Variants in HEPH observed in about 807,000 individuals in gnomAD.
HEPH encodes hephaestin.
In HEPH, 69 loss-of-function variants were observed where a neutral mutation model predicts 80.8. That is an observed-to-expected ratio of 0.85 (90% confidence interval 0.70 to 1.04). The LOEUF (loss-of-function observed/expected upper bound fraction) is 1.04, where lower values mean the gene tolerates loss of function less well. HEPH is among the 50% of genes least tolerant of loss of function. The pLI is 0.00. For missense variants in HEPH, 1,115 were observed against 891.3 expected, an observed-to-expected ratio of 1.25 and a Z score of -3.20; for synonymous variants, 431 against 322.8, an observed-to-expected ratio of 1.34 and a Z score of -3.60.
intron 15 of HEPH, among the ~76,000 whole-genome samples, chrX:66,253,441 A>T (rs765800275): frequency 8.9e-6 from 1 of 112,348 alleles, no homozygotes; most frequent in African/African-American, 3.2e-5. Flanking sequence ...AACTAAAATA[A>T]AAGATTTTTA....
intron 2 of HEPH, chrX:66,171,070 G>A (rs1421285942): frequency 6.5e-6 from 2 of 309,958 alleles, no homozygotes; most frequent in Admixed American, 4.0e-5. Context: ...TTTGTAAGAT[G>A]TATGGGTGGG....
At chrX:66,197,640 A>C (rs1280128035) in intron 9 of HEPH, 43 bp from the exon 10 acceptor site, 6 of 1,080,183 alleles carry the variant, frequency 5.6e-6, no homozygotes, top group Non-Finnish European at 6.4e-6. Context: ...GATGATTCTC[A>C]TTCTAGTCAA....
At chrX:66,195,391 C>T (rs2088030830) in intron 9 of HEPH, among the ~76,000 whole-genome samples, 162 bp downstream of exon 9, 1 of 110,749 alleles carries the variant, frequency 9.0e-6, no homozygotes, top group South Asian at 3.9e-4. Flanking sequence ...CAGAGCTGGG[C>T]TTCAATAATA....
At chrX:66,204,445 G>A (rs1007446422) in intron 13 of HEPH, among the ~76,000 whole-genome samples, 2 of 112,134 alleles carry the variant, frequency 1.8e-5, no homozygotes, top group African/African-American at 6.5e-5. Context: ...GAAGGTTGAA[G>A]TCTTCCTGCT....
chrX:66,227,716 G>T (rs752136000), intron 15 of HEPH, among the ~76,000 whole-genome samples: 85 of 111,309 alleles, frequency 7.6e-4, no homozygotes, highest in Non-Finnish European at 1.1e-3. Flanking sequence ...TAAACATTTG[G>T]CTTTATTTCT....
rs2091122246 is a variant in HEPH at position 66,254,896 on chromosome X, AAAAAT to A, written c.2564-133_2564-129del. The A allele has an allele frequency of 7.9e-6, 3 of 381,780 alleles. No homozygotes were observed. The East Asian group carries it at 1.2e-4, about 16-fold the overall frequency. The allele number at this position is 381,780 out of a possible 1,213,427, so 31.5% of individuals were successfully genotyped here. On this transcript the variant is annotated intron_variant, in intron 15 of 20. Coordinates refer to ENST00000343002, the MANE Select transcript of HEPH (RefSeq NM_001367233.3). ...CCAGGAGGGAGAAGAGCAAGGTCAC[AAAAAT>A]AAAATGATGGAGGAATGATGAAGAA... is the stretch of plus-strand genomic sequence containing the variant.
intron 12 of HEPH, among the ~76,000 whole-genome samples, chrX:66,202,149 A>G (rs996473945): frequency 1.8e-5 from 2 of 111,719 alleles, no homozygotes; most frequent in Non-Finnish European, 3.8e-5. Context: ...TTGGATAATG[A>G]GTGGACTCTC....
intron 15 of HEPH, among the ~76,000 whole-genome samples, chrX:66,226,542 C>T (rs1226933132): frequency 9.0e-6 from 1 of 111,368 alleles, no homozygotes; most frequent in Non-Finnish European, 1.9e-5. Flanking sequence ...ATTGATAGAC[C>T]GTTAGGGAGA....
rs1030506418 is a variant in HEPH at position 66,229,842 on chromosome X, A to G, written c.2563+21596A>G. On this transcript the variant is annotated intron_variant, in intron 15 of 20. Coordinates refer to ENST00000343002, the MANE Select transcript of HEPH (RefSeq NM_001367233.3). ...CACATTGTGCAGGTTAGTTACATAT[A>G]TATACATGTGCCATGCTGGTGCGCT... is the stretch of plus-strand genomic sequence containing the variant. 1.6e-4 allele frequency among the ~76,000 whole-genome samples: 17 copies of G among 109,198 alleles called. No homozygotes were observed. The Admixed American group carries it at 1.7e-3, about 11-fold the overall frequency. The allele number at this position is 109,198 out of a possible 115,157, so 94.8% of individuals were successfully genotyped here.
Position 66,205,424 on chromosome X carries a change from T to G in HEPH, c.2292-1771T>G, listed in dbSNP as rs370179210. Reference sequence around the variant, plus strand: ...ATCCATGTTGCTGAAAAGGACATAATTTCATTCTTTTTCAAGTCTGCATAG... The same window carrying G: ...ATCCATGTTGCTGAAAAGGACATAAGTTCATTCTTTTTCAAGTCTGCATAG... On this transcript the variant is annotated intron_variant, in intron 13 of 20. Transcript: ENST00000343002. Among the ~76,000 whole-genome samples, 119 of 111,830 alleles carry G rather than the reference T, an allele frequency of 1.1e-3. No individual in the cohort carries two copies. The South Asian group carries it at 0.011, about 10-fold the overall frequency.
rs763716088 is a variant in HEPH at position 66,255,059 on chromosome X, A to G, written c.2588A>G (p.Asn863Ser). 8.3e-7 allele frequency: 1 copy of G among 1,203,956 alleles called. No individual in the cohort carries two copies. Among genetic ancestry groups the G allele is most frequent in the Non-Finnish European group, 1.1e-6 (1 of 890,562 alleles). Residue 863 changes from asparagine (N) to serine (S), a missense_variant, in exon 16 of 21, where the codon AAC becomes AGC. Physicochemically the swap from Asn to Ser is conservative, Grantham distance 46. Around this residue, in one of 3 missense-constraint regions of HEPH, gnomAD observed 716 missense variants for 523.5 expected, o/e 1.37. Coordinates refer to ENST00000343002, the MANE Select transcript of HEPH (RefSeq NM_001367233.3). Reference sequence around the variant, plus strand: ...GGTGAGGTGGTCACTTATCAGTGGAACATCCCAGAGAGGTCTGGCCCTGGG... The same window carrying G: ...GGTGAGGTGGTCACTTATCAGTGGAGCATCCCAGAGAGGTCTGGCCCTGGG... ...EPGEVVTYQW[N>S]IPERSGPGPN...
chrX:66,255,559 C>A (rs2091151534), intron 16 of HEPH, among the ~76,000 whole-genome samples: 1 of 111,842 alleles, frequency 8.9e-6, no homozygotes, highest in Non-Finnish European at 1.9e-5. Flanking sequence ...ATTTATCGAT[C>A]TAGCCATCCA....
chrX:66,189,617 G>A (rs1406725459), intron 5 of HEPH, 67 bp from the exon 6 acceptor site: 1 of 1,106,424 alleles, frequency 9.0e-7, no homozygotes, highest in Non-Finnish European at 1.2e-6. Context: ...ATTGTCAAAT[G>A]GTAAGGCTTC....
chrX:66,211,666 T>A (rs1457963693), intron 15 of HEPH, among the ~76,000 whole-genome samples: 3 of 112,007 alleles, frequency 2.7e-5, no homozygotes, highest in Non-Finnish European at 5.7e-5. Context: ...GCAGATTATA[T>A]GATTTCATTC....
At chrX:66,176,398 T>C (rs149584210) in intron 4 of HEPH, among the ~76,000 whole-genome samples, 1,642 of 111,857 alleles carry the variant, frequency 0.015, 19 homozygotes, top group Non-Finnish European at 0.02. Flanking sequence ...TCACAGTGGA[T>C]CATCTTTTTG....
Position 66,266,908 on chromosome X carries a change from T to C in HEPH, c.*236T>C, listed in dbSNP as rs924572070. 1.4e-5 allele frequency: 5 copies of C among 351,260 alleles called. No individual in the cohort carries two copies. Among genetic ancestry groups the C allele is most frequent in the Non-Finnish European group, 2.4e-5 (5 of 204,771 alleles). The allele number at this position is 351,260 out of a possible 1,213,427, so 28.9% of individuals were successfully genotyped here. Reference sequence around the variant, plus strand: ...CACCTGGCACTAAGGGAGTACCTTATTATCCTACATCGCAAATTTCAACAG... The same window carrying C: ...CACCTGGCACTAAGGGAGTACCTTACTATCCTACATCGCAAATTTCAACAG... On this transcript the variant is annotated 3_prime_UTR_variant, in exon 21 of 21. Transcript: ENST00000343002.
chrX:66,191,511 G>A (rs893566110), intron 6 of HEPH, among the ~76,000 whole-genome samples: 6 of 112,072 alleles, frequency 5.4e-5, no homozygotes, highest in African/African-American at 1.9e-4. Context: ...AAGTTGCTAA[G>A]CCAATATAAG....
rs750967559 is a variant in HEPH at position 66,264,156 on chromosome X, C to A, written c.3244+468C>A. Among the ~76,000 whole-genome samples the A allele has an allele frequency of 2.6e-4, 28 of 109,048 alleles. No individual in the cohort carries two copies. The Admixed American group carries it at 2.6e-3, about 10-fold the overall frequency. 94.7% of individuals were successfully genotyped at this position (109,048 alleles called of 115,157 possible). A position where few individuals can be genotyped will look rare whatever the true frequency, so the allele number is the denominator to read the frequency against. ...AACTACCTATTAAGTACAACGTACA[C>A]TACTTGGGTGATGGGTGCCCTAAAA... On this transcript the variant is annotated intron_variant, in intron 20 of 20. Coordinates refer to ENST00000343002, the MANE Select transcript of HEPH (RefSeq NM_001367233.3).
intron 15 of HEPH, among the ~76,000 whole-genome samples, chrX:66,227,340 T>C (rs2089935624): frequency 9.0e-6 from 1 of 111,208 alleles, no homozygotes; most frequent in African/African-American, 3.3e-5. Flanking sequence ...TTATATTGAA[T>C]GGGGAAAAGT....
Sources: allele counts gnomAD v4.1 joint callset (sites outside exome capture counted in the v4.1 genomes callset), GRCh38; gene constraint gnomAD v4.1.1; regional missense constraint gnomAD v4.1.1; transcripts MANE v1.5; gene names NCBI Gene and HGNC (gene_info 2026-07-23, HGNC 2026-07-21).